The following RAD54B variants were observed in gnomAD, a reference collection of about 807,000 sequenced individuals.
RAD54B encodes the protein RAD54 homolog B, also known as DNA repair and recombination protein RAD54B.
RAD54B carries 78 observed loss-of-function variants against 95.8 expected under a neutral mutation model. That is an observed-to-expected ratio of 0.81 (90% confidence interval 0.68 to 0.98). The LOEUF is 0.98. Among genes scored for constraint, RAD54B ranks in the 50% least tolerant of loss-of-function variants. The pLI, the probability that RAD54B is intolerant of heterozygous loss-of-function variation, is 0.00. For synonymous variants in RAD54B, 328 were observed against 354.9 expected, an observed-to-expected ratio of 0.92 and a Z score of 0.85; for missense variants, 957 against 1,056.6, an observed-to-expected ratio of 0.91 and a Z score of 1.31.
At chr8:94,380,604 C>G (rs542044009) in intron 11 of RAD54B, among the ~76,000 whole-genome samples, 198 bp from the exon 12 acceptor site, 4 of 152,286 alleles carry the variant, frequency 2.6e-5, no homozygotes, top group Admixed American at 2.6e-4. Context: ...TAAGACAGTG[C>G]GGCAAAGACC....
rs1266538531 is a variant in RAD54B at position 94,458,330 on chromosome 8, T to C, written c.242A>G (p.Asn81Ser). Residue 81 changes from asparagine (N) to serine (S), a missense_variant, in exon 3 of 15, where the codon AAT becomes AGT. Coordinates refer to ENST00000336148, the MANE Select transcript of RAD54B (RefSeq NM_012415.3). ...TTCAAAACAATATTTTCCACTGCAA[T>C]TATCTCTGTTATTGATTTCTCTAGT... ...ESTREINNRD[N>S]CSGKYCFEAP... The C allele has an allele frequency of 4.3e-6, 7 of 1,610,522 alleles. No homozygotes were observed. The highest frequency in any genetic ancestry group is 4.0e-5 in the African/African-American group (3 of 74,846).
chr8:94,463,193 T>C (rs1356465579), intron 2 of RAD54B, among the ~76,000 whole-genome samples: 2 of 143,592 alleles, frequency 1.4e-5, no homozygotes, highest in African/African-American at 2.6e-5. Context: ...AATAAATAAA[T>C]AAATAAATAA....
chr8:94,468,193 G>A (rs1253015598), intron 1 of RAD54B, among the ~76,000 whole-genome samples: 2 of 152,102 alleles, frequency 1.3e-5, no homozygotes, highest in African/African-American at 4.8e-5. Flanking sequence ...ATTGATTTAT[G>A]ACTTTGCCTG....
intron 5 of RAD54B, among the ~76,000 whole-genome samples, chr8:94,405,501 T>A (rs923105251): frequency 2.6e-5 from 4 of 152,172 alleles, no homozygotes; most frequent in Admixed American, 1.3e-4. Context: ...AGGGTAAGTT[T>A]TCTCTGGATC....
chr8:94,460,457 C>A (rs1431311492), intron 2 of RAD54B, among the ~76,000 whole-genome samples: 2 of 152,160 alleles, frequency 1.3e-5, no homozygotes, highest in African/African-American at 4.8e-5. Flanking sequence ...GGCAACAGAG[C>A]CAGACCCTGC....
intron 2 of RAD54B, among the ~76,000 whole-genome samples, chr8:94,466,247 A>G (rs1301973541): frequency 6.6e-6 from 1 of 152,218 alleles, no homozygotes; most frequent in Non-Finnish European, 1.5e-5. Context: ...GGATCAGGGA[A>G]TTGCAGAGTA....
Position 94,399,572 on chromosome 8 carries a change from A to G in RAD54B, c.1220T>C (p.Ile407Thr), listed in dbSNP as rs1413329526. ...ACGAAGTAACATTTCATAACTGATA[A>G]TAAGAACAGAATAAAATATAGACTT... is the stretch of plus-strand genomic sequence containing the variant. The part of the protein sequence containing the change: ...FIKSIFYSVL[I>T]ISYEMLLRSL... Residue 407 changes from isoleucine (I) to threonine (T), a missense_variant, in exon 8 of 15, where the codon ATT (isoleucine) becomes ACT (threonine). Coordinates refer to ENST00000336148, the MANE Select transcript of RAD54B (RefSeq NM_012415.3). The G allele has an allele frequency of 1.6e-5, 25 of 1,612,532 alleles. No individual in the cohort carries two copies. Among genetic ancestry groups the G allele is most frequent in the Non-Finnish European group, 2.1e-5 (25 of 1,179,332 alleles).
intron 1 of RAD54B, among the ~76,000 whole-genome samples, chr8:94,470,635 G>A (rs1165565607): frequency 6.6e-6 from 1 of 151,638 alleles, no homozygotes; most frequent in African/African-American, 2.4e-5. Context: ...GTACACGCCT[G>A]TAATCCCAGC....
intron 3 of RAD54B, among the ~76,000 whole-genome samples, chr8:94,445,650 C>A (rs1360699886): frequency 1.3e-5 from 2 of 151,982 alleles, no homozygotes; most frequent in Non-Finnish European, 2.9e-5. Context: ...TGAGTTGTAT[C>A]TGCAGTATTT....
At position 94,421,171 on chromosome 8, in the gene RAD54B, C is replaced by G. The variant is rs568434801; in HGVS notation, c.305-9856G>C. Among the ~76,000 whole-genome samples, 7 of 152,208 alleles carry G rather than the reference C, an allele frequency of 4.6e-5. No individual in the cohort carries two copies. The South Asian group carries it at 1.5e-3, about 32-fold the overall frequency. ...CCTAAACTGCCCTGTTAAAGGTTAC[C>G]AGGAACTCTTTGTCTATAAACCCAC... On this transcript the variant is annotated intron_variant, in intron 3 of 14. Coordinates refer to ENST00000336148, the MANE Select transcript of RAD54B (RefSeq NM_012415.3).
At chr8:94,437,490 C>T (rs951253289) in intron 3 of RAD54B, among the ~76,000 whole-genome samples, 2 of 152,150 alleles carry the variant, frequency 1.3e-5, no homozygotes, top group Non-Finnish European at 2.9e-5. Context: ...ACACCCAGAC[C>T]CAGACTCCAC....
chr8:94,382,181 C>T (rs140695999), intron 11 of RAD54B, among the ~76,000 whole-genome samples: 224 of 150,548 alleles, frequency 1.5e-3, no homozygotes, highest in African/African-American at 5.2e-3. Context: ...ATAAAAAGGA[C>T]CTACTAAAAA....
chr8:94,404,132 G>C lies in RAD54B; in HGVS notation c.889C>G (p.Arg297Gly). The change falls in exon 6 of 15, where the codon CGA (arginine) becomes GGA (glycine). Residue 297 changes from arginine to glycine, a missense_variant. Physicochemically the swap from Arg to Gly is moderately radical, Grantham distance 125. Coordinates refer to ENST00000336148, the MANE Select transcript of RAD54B (RefSeq NM_012415.3). ...VIDPYLVYHLRPHQKEGIIFL... is the reference protein window; with the variant it reads ...VIDPYLVYHLGPHQKEGIIFL... The stretch of plus-strand genomic sequence containing the variant: ...ATGATTCCTTCTTTCTGATGTGGTC[G>C]AAGATGATATACAAGGTAAGGATCA... 1 of 1,610,630 alleles carries C rather than the reference G, an allele frequency of 6.2e-7. No homozygotes were observed. The highest frequency in any genetic ancestry group is 8.5e-7 in the Non-Finnish European group (1 of 1,177,756).
At chr8:94,449,968 T>C (rs979371656) in intron 3 of RAD54B, among the ~76,000 whole-genome samples, 3 of 152,234 alleles carry the variant, frequency 2.0e-5, no homozygotes, top group African/African-American at 7.2e-5. Flanking sequence ...ACACCTATCA[T>C]GTTTCCCCTT....
At chr8:94,435,906 C>T (rs2930964) in intron 3 of RAD54B, among the ~76,000 whole-genome samples, 37,969 of 151,886 alleles carry the variant, frequency 0.25, 5,665 homozygotes, top group East Asian at 0.43. Context: ...CATTAACTCC[C>T]TTTAGTTGTG....
At chr8:94,381,835 C>T (rs1309829481) in intron 11 of RAD54B, among the ~76,000 whole-genome samples, 1 of 152,054 alleles carries the variant, frequency 6.6e-6, no homozygotes. Flanking sequence ...AGAGAAAGGC[C>T]GGGCGCGGTG....
chr8:94,445,694 C>T (rs1425989632), intron 3 of RAD54B, among the ~76,000 whole-genome samples: 2 of 151,640 alleles, frequency 1.3e-5, no homozygotes, highest in African/African-American at 4.8e-5. Context: ...TATTTAGGTA[C>T]ATTAATTTTT....
At chr8:94,390,175 A>AT (rs908806393) in intron 10 of RAD54B, among the ~76,000 whole-genome samples, 1 of 151,780 alleles carries the variant, frequency 6.6e-6, no homozygotes, top group African/African-American at 2.4e-5. Context: ...CCCCATCTCT[A>AT]TTTTTTAAAA....
chr8:94,406,027 C>CAT (rs1554604619), intron 5 of RAD54B, among the ~76,000 whole-genome samples: 123 of 150,532 alleles, frequency 8.2e-4, no homozygotes, highest in African/African-American at 2.8e-3. Context: ...CACACACACA[C>CAT]ATATATATAA....
Sources: gnomAD v4.1 joint callset for allele counts (sites outside exome capture counted in the v4.1 genomes callset) on GRCh38, gnomAD v4.1.1 for gene constraint, MANE v1.5 for transcripts, NCBI Gene and HGNC (gene_info 2026-07-23, HGNC 2026-07-21) for gene names.